CEP112: variants seen among roughly 807,000 people sequenced by gnomAD.
The protein encoded by CEP112 is centrosomal protein 112, also known as centrosomal protein of 112 kDa.
CEP112 carries 127 observed loss-of-function variants against 153.0 expected under a neutral mutation model. The observed-to-expected ratio is 0.83, with a 90% CI of 0.72 to 0.96. The LOEUF (loss-of-function observed/expected upper bound fraction) is 0.96. Among genes scored for constraint, CEP112 ranks in the 40% least tolerant of loss-of-function variants. The pLI, the probability that CEP112 is intolerant of heterozygous loss-of-function variation, is 0.00. For missense variants in CEP112, 1,089 were observed against 1,101.2 expected (o/e 0.99, Z 0.16); for synonymous variants, 358 against 374.4 (o/e 0.96, Z 0.51).
chr17:65,976,158 A>T (rs779436650), intron 17 of CEP112, among the ~76,000 whole-genome samples: 1 of 152,348 alleles, frequency 6.6e-6, no homozygotes, highest in East Asian at 1.9e-4. Flanking sequence ...TATTGTCAGA[A>T]TGTCCCCCTC....
At chr17:66,114,932 C>T (rs561798770) in intron 6 of CEP112, among the ~76,000 whole-genome samples, 29 of 152,090 alleles carry the variant, frequency 1.9e-4, no homozygotes, top group Non-Finnish European at 3.1e-4. Context: ...TGGCCAGGCG[C>T]AGTGGCTCAT....
intron 21 of CEP112, among the ~76,000 whole-genome samples, chr17:65,848,671 T>C (rs1418921263): frequency 6.6e-6 from 1 of 152,208 alleles, no homozygotes; most frequent in African/African-American, 2.4e-5. Flanking sequence ...GCTCTTGGGA[T>C]ATCCAGAAGC....
At chr17:66,175,760 T>C (rs189445399) in intron 3 of CEP112, among the ~76,000 whole-genome samples, 1 of 152,336 alleles carries the variant, frequency 6.6e-6, no homozygotes, top group East Asian at 1.9e-4. Context: ...TTATTATTAT[T>C]TGTTAAATAA....
chr17:66,189,635 GCTT>G (rs2073088196), intron 1 of CEP112, among the ~76,000 whole-genome samples: 4 of 151,792 alleles, frequency 2.6e-5, no homozygotes, highest in African/African-American at 7.3e-5. Context: ...CTAAAAATCT[GCTT>G]CTTCTTATCC....
At chr17:66,174,525 A>G (rs1359140615) in intron 4 of CEP112, among the ~76,000 whole-genome samples, 2 of 152,230 alleles carry the variant, frequency 1.3e-5, no homozygotes, top group African/African-American at 2.4e-5. Flanking sequence ...TAAAAATTTG[A>G]TAAAAGTCCA....
chr17:65,771,077 G>A lies in CEP112; in HGVS notation c.2395-20353C>T, dbSNP rs542042063. 3.3e-5 allele frequency among the ~76,000 whole-genome samples: 5 copies of A among 151,796 alleles called. No individual in the cohort carries two copies. The East Asian group carries it at 9.6e-4, about 29-fold the overall frequency. On this transcript the variant is annotated intron_variant, in intron 21 of 26. Transcript: ENST00000535342. ...AGTAGCCTAAAAATTCCAACTAATC[G>A]GCAAAGCTTATCACTGTGTTTTTAA...
At chr17:65,924,514 A>G (rs971363158) in intron 19 of CEP112, among the ~76,000 whole-genome samples, 1 of 152,200 alleles carries the variant, frequency 6.6e-6, no homozygotes, top group Non-Finnish European at 1.5e-5. Context: ...TCACATGTGC[A>G]TATGTGTCTG....
At chr17:65,729,968 A>C (rs1453087415) in intron 23 of CEP112, among the ~76,000 whole-genome samples, 2 of 152,212 alleles carry the variant, frequency 1.3e-5, no homozygotes, top group Non-Finnish European at 2.9e-5. Flanking sequence ...AATTAACCAT[A>C]TATAGTCACC....
chr17:65,712,060 C>T (rs1192273081), intron 23 of CEP112, among the ~76,000 whole-genome samples: 1 of 152,128 alleles, frequency 6.6e-6, no homozygotes, highest in Non-Finnish European at 1.5e-5. Flanking sequence ...TCGACTGCTG[C>T]GAGTGCTGCA....
At chr17:65,779,612 C>G (rs1014258937) in intron 21 of CEP112, among the ~76,000 whole-genome samples, 2 of 152,288 alleles carry the variant, frequency 1.3e-5, no homozygotes, top group African/African-American at 4.8e-5. Context: ...GCAAATGTCA[C>G]TGATCCATAT....
At chr17:65,822,251 T>C (rs1169057169) in intron 21 of CEP112, among the ~76,000 whole-genome samples, 1 of 148,706 alleles carries the variant, frequency 6.7e-6, no homozygotes, top group Non-Finnish European at 1.5e-5. Flanking sequence ...ATTGTTGTTA[T>C]AAAAAAAAAA....
chr17:65,792,076 G>T (rs1322357667), intron 21 of CEP112, among the ~76,000 whole-genome samples: 5 of 152,118 alleles, frequency 3.3e-5, no homozygotes, highest in Middle Eastern at 3.2e-3. Flanking sequence ...AAGAACTGCC[G>T]CAGCTTTACC....
intron 16 of CEP112, among the ~76,000 whole-genome samples, chr17:66,014,690 T>C (rs369864084): frequency 4.6e-5 from 7 of 152,088 alleles, no homozygotes; most frequent in African/African-American, 1.7e-4. Flanking sequence ...AACTCACCCA[T>C]TCCCCAGGAG....
chr17:66,032,221 G>A (rs903564516), intron 12 of CEP112, among the ~76,000 whole-genome samples: 3 of 151,934 alleles, frequency 2.0e-5, no homozygotes, highest in Non-Finnish European at 4.4e-5. Flanking sequence ...GGCTGGTCTT[G>A]ACCTCCTGAC....
At chr17:65,738,012 A>C (rs542151468) in intron 23 of CEP112, among the ~76,000 whole-genome samples, 4 of 152,184 alleles carry the variant, frequency 2.6e-5, no homozygotes, top group Non-Finnish European at 5.9e-5. Context: ...CCGTGTTTAC[A>C]CATAGGAAGA....
At chr17:66,173,236 G>A (rs1225499995) in intron 4 of CEP112, among the ~76,000 whole-genome samples, 2 of 152,140 alleles carry the variant, frequency 1.3e-5, no homozygotes, top group African/African-American at 4.8e-5. Flanking sequence ...GGAATTAGAA[G>A]GAAATCATGA....
intron 5 of CEP112, among the ~76,000 whole-genome samples, chr17:66,130,712 C>G (rs1429106261): frequency 1.4e-5 from 2 of 143,696 alleles, no homozygotes; most frequent in African/African-American, 2.6e-5. Context: ...GGAGGTGGAG[C>G]TTGCAGTGAG....
chr17:65,851,382 A>T (rs2057925191), intron 21 of CEP112, among the ~76,000 whole-genome samples: 1 of 152,196 alleles, frequency 6.6e-6, no homozygotes, highest in African/African-American at 2.4e-5. Flanking sequence ...GTCATCATTT[A>T]TGTGACACTG....
At chr17:65,878,722 G>C (rs2058938753) in intron 20 of CEP112, among the ~76,000 whole-genome samples, 1 of 151,966 alleles carries the variant, frequency 6.6e-6, no homozygotes, top group African/African-American at 2.4e-5. Flanking sequence ...GGAGAAAACA[G>C]TGAGAAGTGA....
Sources: gnomAD v4.1 joint callset for allele counts (sites outside exome capture counted in the v4.1 genomes callset) on GRCh38, gnomAD v4.1.1 for gene constraint, MANE v1.5 for transcripts, NCBI Gene and HGNC (gene_info 2026-07-23, HGNC 2026-07-21) for gene names.